The following SLIT3 variants were observed in gnomAD, a reference collection of about 807,000 sequenced individuals.
SLIT3 encodes the protein slit homolog 3 protein.
In SLIT3, 68 loss-of-function variants were observed where a neutral mutation model predicts 184.0. The ratio of observed to expected loss-of-function variants is 0.37; its 90% CI spans 0.30 to 0.45. The LOEUF (loss-of-function observed/expected upper bound fraction) is 0.45. SLIT3 is among the 20% of genes least tolerant of loss of function. The pLI, the probability that SLIT3 is intolerant of heterozygous loss-of-function variation, is 1.00. For synonymous variants in SLIT3, 831 were observed against 828.6 expected, an observed-to-expected ratio of 1.00 and a Z score of -0.05; for missense variants, 1,707 against 2,026.0, an observed-to-expected ratio of 0.84 and a Z score of 3.02.
chr5:168,686,863 AC>A, intron 30 of SLIT3, 115 bp downstream of exon 30: 1 of 1,250,570 alleles, frequency 8.0e-7, no homozygotes, highest in Non-Finnish European at 1.1e-6. Flanking sequence ...ATCACCCAGA[AC>A]CGGGGCTACA....
At chr5:169,002,291 C>G (rs1337310655) in intron 4 of SLIT3, among the ~76,000 whole-genome samples, 6 of 126,156 alleles carry the variant, frequency 4.8e-5, no homozygotes, top group African/African-American at 1.9e-4. Flanking sequence ...CCACTGCACT[C>G]CAGCCTGAGC....
At position 168,666,539 on chromosome 5, in the gene SLIT3, T is replaced by G; in HGVS notation, c.4487A>C (p.Lys1496Thr). Residue 1496 changes from lysine (K) to threonine (T), a missense_variant, in exon 36 of 36, where the codon AAA becomes ACA. Transcript: ENST00000519560. ...CCQPTRSKRR[K>T]YVFQCTDGSS... ...GCCGTCCGTGCACTGGAAGACGTAT[T>G]TCCGCCGCTTGCTGCGGGTGGGCTG... 1 of 1,613,646 alleles carries G rather than the reference T, an allele frequency of 6.2e-7. No individual in the cohort carries two copies. The highest frequency in any genetic ancestry group is 8.5e-7 in the Non-Finnish European group (1 of 1,179,928).
chr5:168,709,552 C>G (rs1326184985), intron 25 of SLIT3, among the ~76,000 whole-genome samples: 2 of 152,158 alleles, frequency 1.3e-5, no homozygotes, highest in East Asian at 3.8e-4. Flanking sequence ...TGTTCTTGGC[C>G]TAGGTGAGCC....
chr5:168,804,310 C>CAAAAAAAAAAAAA (rs770650322), intron 9 of SLIT3, among the ~76,000 whole-genome samples: 9 of 52,368 alleles, frequency 1.7e-4, no homozygotes, highest in South Asian at 1.2e-3. Flanking sequence ...AACTCTTTCT[C>CAAAAAAAAAAAAA]AAAAAAAAAA....
In SLIT3 at chr5:168,806,526, C is replaced by T. The variant is rs367972639; in HGVS notation, c.855G>A (p.Thr285=). Reference sequence around the variant, plus strand: ...GACAGTCCACGATGTTATTGCTGCACGTGCAGGGCGAAGGGCAGGAGATGG... The same window carrying T: ...GACAGTCCACGATGTTATTGCTGCATGTGCAGGGCGAAGGGCAGGAGATGG... ...ANSISCPSPC[T]CSNNIVDCRG... is the part of the protein sequence containing the mutation. The change falls in exon 9 of 36, where the codon ACG becomes ACA. Residue 285 remains threonine, a synonymous_variant. Transcript: ENST00000519560. The T allele has an allele frequency of 9.2e-5, 149 of 1,614,036 alleles. No individual in the cohort carries two copies. The highest frequency in any genetic ancestry group is 1.2e-4 in the Non-Finnish European group (136 of 1,180,024).
intron 6 of SLIT3, among the ~76,000 whole-genome samples, chr5:168,837,966 T>A (rs1354400796): frequency 6.6e-6 from 1 of 152,216 alleles, no homozygotes. Context: ...TGTACCTTTA[T>A]GTCTGGGGCA....
chr5:168,793,213 G>A (rs555202907), intron 10 of SLIT3, among the ~76,000 whole-genome samples: 35 of 151,840 alleles, frequency 2.3e-4, no homozygotes, highest in African/African-American at 8.0e-4. Flanking sequence ...TTCATTCAGA[G>A]AGAATTCTTT....
chr5:169,194,557 C>T (rs1341644646), intron 3 of SLIT3, among the ~76,000 whole-genome samples: 1 of 152,068 alleles, frequency 6.6e-6, no homozygotes, highest in Non-Finnish European at 1.5e-5. Context: ...TATATTATTA[C>T]ATAACATTTC....
intron 4 of SLIT3, among the ~76,000 whole-genome samples, chr5:169,183,855 T>C (rs1444628587): frequency 5.9e-5 from 9 of 152,228 alleles, no homozygotes; most frequent in Non-Finnish European, 1.5e-5. Context: ...CTGTGCAGAA[T>C]TGTAAAAATT....
At chr5:168,823,219 G>A (rs764109052) in intron 7 of SLIT3, 41 bp downstream of exon 7, 2 of 1,514,556 alleles carry the variant, frequency 1.3e-6, no homozygotes, top group Non-Finnish European at 1.8e-6. Context: ...TGGGCGTGAG[G>A]TAGGGAGAAA....
At chr5:168,983,895 TAGAAA>T (rs1755034062) in intron 4 of SLIT3, among the ~76,000 whole-genome samples, 1 of 151,900 alleles carries the variant, frequency 6.6e-6, no homozygotes, top group Non-Finnish European at 1.5e-5. Flanking sequence ...AAAAGGAGGC[TAGAAA>T]AGAAAAGAGA....
At chr5:169,251,216 GA>G (rs1471773404) in intron 2 of SLIT3, among the ~76,000 whole-genome samples, 171 bp downstream of exon 2, 2 of 152,198 alleles carry the variant, frequency 1.3e-5, no homozygotes, top group East Asian at 1.9e-4. Flanking sequence ...TCTAGACACA[GA>G]ATGTGATACC....
At chr5:168,842,212 C>G (rs996578619) in intron 6 of SLIT3, among the ~76,000 whole-genome samples, 6 of 152,056 alleles carry the variant, frequency 3.9e-5, no homozygotes, top group African/African-American at 1.5e-4. Flanking sequence ...AAGCTGTGTG[C>G]CTCTGCTGGA....
intron 11 of SLIT3, 33 bp from the exon 12 acceptor site, chr5:168,786,011 G>T (rs752366708): frequency 2.5e-5 from 37 of 1,468,748 alleles, no homozygotes; most frequent in Non-Finnish European, 2.9e-5. Context: ...AGCAATCACT[G>T]TGGATGTGAG....
At position 169,163,594 on chromosome 5, in the gene SLIT3, G is replaced by GA. The variant is rs539573984; in HGVS notation, c.413+29884dup. ...CAACCAAAATGCAACTTATATGTGT[G>GA]AAAAAAATGACTGAAAAATGTTTAA... On this transcript the variant is annotated intron_variant, in intron 4 of 35. Coordinates refer to ENST00000519560, the MANE Select transcript of SLIT3 (RefSeq NM_003062.4). 2.5e-3 allele frequency among the ~76,000 whole-genome samples: 380 copies of GA among 152,132 alleles called. 2 individuals carry two copies. The highest frequency in any genetic ancestry group is 8.7e-3 in the African/African-American group (362 of 41,512).
intron 4 of SLIT3, among the ~76,000 whole-genome samples, chr5:168,902,470 A>T (rs565634238): frequency 6.6e-6 from 1 of 152,366 alleles, no homozygotes; most frequent in African/African-American, 2.4e-5. Flanking sequence ...CGTGATAAGC[A>T]GTCAGAGGAA....
intron 24 of SLIT3, 95 bp downstream of exon 24, chr5:168,712,188 A>C (rs915895111): frequency 3.8e-6 from 4 of 1,044,516 alleles, no homozygotes; most frequent in Admixed American, 1.7e-5. Flanking sequence ...TAAGGAAAGG[A>C]CATCTGCCAA....
intron 4 of SLIT3, among the ~76,000 whole-genome samples, chr5:169,141,105 C>A (rs937464670): frequency 2.0e-5 from 3 of 152,150 alleles, no homozygotes; most frequent in Non-Finnish European, 2.9e-5. Flanking sequence ...AGACTCAGCT[C>A]GATGCTACCT....
At chr5:169,137,331 C>CAG (rs766822479) in intron 4 of SLIT3, among the ~76,000 whole-genome samples, 1 of 132,050 alleles carries the variant, frequency 7.6e-6, no homozygotes, top group East Asian at 3.4e-4. Context: ...CACACACACA[C>CAG]ACACAGAGAG....
Sources: gnomAD v4.1 joint callset for allele counts (sites outside exome capture counted in the v4.1 genomes callset) on GRCh38, gnomAD v4.1.1 for gene constraint, MANE v1.5 for transcripts, NCBI Gene and HGNC (gene_info 2026-07-23, HGNC 2026-07-21) for gene names.